The following DDX1 variants were observed in gnomAD, a reference collection of about 807,000 sequenced individuals.
DDX1 encodes the protein ATP-dependent RNA helicase DDX1.
Under a neutral mutation model 108.7 loss-of-function variants are expected in DDX1, and 28 were observed. The ratio of observed to expected loss-of-function variants is 0.26; its 90% CI spans 0.19 to 0.35. DDX1 has a LOEUF of 0.35. DDX1 is among the 10% of genes least tolerant of loss of function. The pLI is 1.00. For synonymous variants in DDX1, 295 were observed against 288.9 expected, an observed-to-expected ratio of 1.02 and a Z score of -0.21; for missense variants, 710 against 884.5, an observed-to-expected ratio of 0.80 and a Z score of 2.50.
intron 13 of DDX1, among the ~76,000 whole-genome samples, chr2:15,611,361 G>A (rs1026525601): frequency 6.6e-6 from 1 of 151,276 alleles, no homozygotes; most frequent in Admixed American, 6.6e-5. Flanking sequence ...CCACAAAACC[G>A]CCATTGTCAT....
At chr2:15,629,167 A>G (rs183381679) in intron 23 of DDX1, among the ~76,000 whole-genome samples, 2 of 152,338 alleles carry the variant, frequency 1.3e-5, no homozygotes, top group African/African-American at 4.8e-5. Flanking sequence ...ACAAATTTAT[A>G]GAAAAGTTGT....
chr2:15,596,586 G>T, intron 3 of DDX1, 148 bp from the exon 4 acceptor site: 1 of 637,154 alleles, frequency 1.6e-6, no homozygotes, highest in Non-Finnish European at 2.8e-6. Flanking sequence ...TGTAGTTGGA[G>T]TTGACAGAGG....
Position 15,617,251 on chromosome 2 carries a change from T to A in DDX1, c.1025T>A (p.Ile342Lys), listed in dbSNP as rs749333619. The change falls in exon 15 of 26, where the codon ATA (isoleucine) becomes AAA (lysine). Residue 342 changes from isoleucine to lysine, a missense_variant. This residue lies in a region of DDX1 where 661 missense variants were observed against 810.2 expected (regional missense o/e 0.82). Coordinates refer to ENST00000233084, the MANE Select transcript of DDX1 (RefSeq NM_004939.3). ...QLSVLENGVDIVVGTPGRLDD... is the reference protein window; with the variant it reads ...QLSVLENGVDKVVGTPGRLDD... Reference sequence around the variant, plus strand: ...TGGTTTGCTTTTTTTCAGGTAGATATAGTTGTAGGTACTCCGGGAAGACTA... The same window carrying A: ...TGGTTTGCTTTTTTTCAGGTAGATAAAGTTGTAGGTACTCCGGGAAGACTA... The A allele has an allele frequency of 6.4e-7, 1 of 1,564,950 alleles. No individual in the cohort carries two copies. Among genetic ancestry groups the A allele is most frequent in the East Asian group, 2.3e-5 (1 of 43,742 alleles).
chr2:15,600,779 C>A (rs535895732), intron 6 of DDX1, among the ~76,000 whole-genome samples: 1 of 121,516 alleles, frequency 8.2e-6, no homozygotes, highest in African/African-American at 3.3e-5. Context: ...GACAGAGTCT[C>A]GCTCTGTTGC....
intron 23 of DDX1, 48 bp downstream of exon 23, chr2:15,628,887 T>C (rs370465681): frequency 9.7e-5 from 150 of 1,547,826 alleles, no homozygotes; most frequent in Non-Finnish European, 1.3e-4. Context: ...GTTGTGATTT[T>C]AGATGTTGGA....
intron 19 of DDX1, among the ~76,000 whole-genome samples, chr2:15,625,979 T>A (rs1666095737): frequency 6.6e-6 from 1 of 152,082 alleles, no homozygotes; most frequent in Admixed American, 6.6e-5. Context: ...CCTGTCTATG[T>A]TTTGAATGGA....
rs200944773 is a variant in DDX1, at chr2:15,623,537, A to T, written c.1549A>T (p.Ile517Phe). 1.8e-5 allele frequency: 29 copies of T among 1,613,656 alleles called. No homozygotes were observed. The East Asian group carries it at 4.5e-4, about 25-fold the overall frequency. Reference protein sequence around the residue: ...DQAIIFCRTKIDCDNLEQYFI... With the variant: ...DQAIIFCRTKFDCDNLEQYFI... Reference sequence around the variant, plus strand: ...AGCAATTATCTTCTGTAGAACCAAAATTGACTGTGATAACTTGGAGCAGTA... The same window carrying T: ...AGCAATTATCTTCTGTAGAACCAAATTTGACTGTGATAACTTGGAGCAGTA... Residue 517 changes from isoleucine (I) to phenylalanine (F), a missense_variant, in exon 19 of 26, where the codon ATT (isoleucine) becomes TTT (phenylalanine). Physicochemically the swap from Ile to Phe is conservative, Grantham distance 21. This residue lies in a region of DDX1 where 661 missense variants were observed against 810.2 expected (regional missense o/e 0.82). Coordinates refer to ENST00000233084, the MANE Select transcript of DDX1 (RefSeq NM_004939.3).
chr2:15,621,102 G>C lies in DDX1; in HGVS notation c.1433G>C (p.Gly478Ala). Residue 478 changes from glycine to alanine, a missense_variant, in exon 18 of 26, where the codon GGT becomes GCT. Around this residue, in one of 3 missense-constraint regions of DDX1, gnomAD observed 661 missense variants for 810.2 expected, o/e 0.82. Transcript: ENST00000233084. The stretch of plus-strand genomic sequence containing the variant: ...CATGCAAAAGATAACACAAGACCTG[G>C]TGCTAATAGTCCAGGTGAGTTAAAA... Reference protein sequence around the residue: ...DVHAKDNTRPGANSPEMWSEA... With the variant: ...DVHAKDNTRPAANSPEMWSEA... 1 of 1,609,806 alleles carries C rather than the reference G, an allele frequency of 6.2e-7. No individual in the cohort carries two copies. Among genetic ancestry groups the C allele is most frequent in the Non-Finnish European group, 8.5e-7 (1 of 1,177,352 alleles).
Position 15,628,427 on chromosome 2 carries a change from C to A in DDX1, c.1687-18C>A, listed in dbSNP as rs1225613118. 1.0e-5 allele frequency: 16 copies of A among 1,585,846 alleles called. 1 individual carries two copies. Among genetic ancestry groups the A allele is most frequent in the African/African-American group, 1.3e-5 (1 of 74,288 alleles). Reference sequence around the variant, plus strand: ...TATGTGCTAACAAACTCCTTTCTCTCTTCACTGTTCTCTTTAGAAAGGAGA... The same window carrying A: ...TATGTGCTAACAAACTCCTTTCTCTATTCACTGTTCTCTTTAGAAAGGAGA... On this transcript the variant is annotated intron_variant, in intron 20 of 25. Coordinates refer to ENST00000233084, the MANE Select transcript of DDX1 (RefSeq NM_004939.3).
chr2:15,618,333 G>A, intron 16 of DDX1, 63 bp downstream of exon 16: 1 of 843,444 alleles, frequency 1.2e-6, no homozygotes, highest in Non-Finnish European at 2.0e-6. Flanking sequence ...AATGTTACGG[G>A]ATCCCAGGGG....
rs1665981792 is a variant in DDX1, at chr2:15,620,348, TCCCAAA to T, written c.1348_1353del (p.Pro450_Lys451del). 1 of 1,613,734 alleles carries T rather than the reference TCCCAAA, an allele frequency of 6.2e-7. No homozygotes were observed. Among genetic ancestry groups the T allele is most frequent in the African/African-American group, 1.3e-5 (1 of 74,872 alleles). ...TACACCATGTTGTTGTCCCAGTAAA[TCCCAAA>T]ACTGACAGACTCTGGGAAAGGCTTG... On this transcript the variant is annotated inframe_deletion, in exon 17 of 26. Transcript: ENST00000233084.
chr2:15,607,446 T>C, intron 13 of DDX1, 133 bp downstream of exon 13: 3 of 652,412 alleles, frequency 4.6e-6, no homozygotes, highest in Non-Finnish European at 7.3e-6. Flanking sequence ...TATGTAAATA[T>C]ACTTTAATAA....
chr2:15,617,349 T>G lies in DDX1; in HGVS notation c.1116+7T>G, dbSNP rs1325451266. 1.3e-6 allele frequency: 2 copies of G among 1,523,394 alleles called. No individual in the cohort carries two copies. The highest frequency in any genetic ancestry group is 1.8e-6 in the Non-Finnish European group (2 of 1,115,674). The allele number at this position is 1,523,394 out of a possible 1,614,324, so 94.4% of individuals were successfully genotyped here. On this transcript the variant is annotated splice_region_variant and intron_variant, in intron 15 of 25. Transcript: ENST00000233084. Reference sequence around the variant, plus strand: ...CCTGGTCCTGGATGAAGCTGTATGTTGAAATATAATCATACTTTTTAAAAA... The same window carrying G: ...CCTGGTCCTGGATGAAGCTGTATGTGGAAATATAATCATACTTTTTAAAAA...
At chr2:15,629,505 C>A in intron 23 of DDX1, 97 bp from the exon 24 acceptor site, 1 of 819,670 alleles carries the variant, frequency 1.2e-6, no homozygotes, top group Non-Finnish European at 1.9e-6. Flanking sequence ...TTTCTAGTGC[C>A]TTGAGGACAG....
chr2:15,609,742 A>G (rs1199253239), intron 13 of DDX1, among the ~76,000 whole-genome samples: 1 of 140,618 alleles, frequency 7.1e-6, no homozygotes, highest in Non-Finnish European at 1.5e-5. Context: ...AAGTAAAAGT[A>G]TTGTTGGAAA....
rs1666143621 is a variant in DDX1, at chr2:15,628,834, G to A, written c.1870G>A (p.Glu624Lys). The A allele has an allele frequency of 6.2e-7, 1 of 1,613,220 alleles. No individual in the cohort carries two copies. The highest frequency in any genetic ancestry group is 8.5e-7 in the Non-Finnish European group (1 of 1,179,258). Residue 624 changes from glutamate to lysine, a missense_variant, in exon 23 of 26, where the codon GAA (glutamate) becomes AAA (lysine). Physicochemically the swap from Glu to Lys is moderately conservative, Grantham distance 56. Transcript: ENST00000233084. The stretch of plus-strand genomic sequence containing the variant: ...AATTTCCCTGGTGGCAACAGAAAAA[G>A]AAAAGGTAATCTTTGTAGGGCTCTA... ...LAISLVATEK[E>K]KVWYHVCSSR...
rs1299392057 is a variant in DDX1 at position 15,631,070 on chromosome 2, G to A, written c.*164G>A. 1 of 535,852 alleles carries A rather than the reference G, an allele frequency of 1.9e-6. No homozygotes were observed. The highest frequency in any genetic ancestry group is 3.0e-6 in the Non-Finnish European group (1 of 329,446). 33.2% of individuals were successfully genotyped at this position (535,852 alleles called of 1,614,324 possible). ...AGTCTTAGGAATTCTTCAAAAAATG[G>A]CATCCCAATGAAAATAAATTTGATG... On this transcript the variant is annotated 3_prime_UTR_variant, in exon 26 of 26. Transcript: ENST00000233084.
Position 15,613,810 on chromosome 2 carries a change from A to G in DDX1, c.1017+526A>G, listed in dbSNP as rs1053404858. ...ACAAAGCTAAGAGGATCTGATCTCC[A>G]CTGTTGGAGAAGAAGTTTAGGAATT... is the stretch of plus-strand genomic sequence containing the variant. On this transcript the variant is annotated intron_variant, in intron 14 of 25. Coordinates refer to ENST00000233084, the MANE Select transcript of DDX1 (RefSeq NM_004939.3). Among the ~76,000 whole-genome samples, 7 of 151,298 alleles carry G rather than the reference A, an allele frequency of 4.6e-5. No individual in the cohort carries two copies. The Admixed American group carries it at 4.6e-4, about 10-fold the overall frequency.
Position 15,613,344 on chromosome 2 carries a change from GCT to G in DDX1, c.1017+63_1017+64del, listed in dbSNP as rs1002679023. ...CATGGGCTGTCGTTTTAGCAATACA[GCT>G]CTGTTTTGTTTCAAGAAAATTTAAG... On this transcript the variant is annotated intron_variant, in intron 14 of 25. Transcript: ENST00000233084. The G allele has an allele frequency of 2.5e-5, 30 of 1,189,776 alleles. No individual in the cohort carries two copies. In the African/African-American group the frequency reaches 3.9e-4, roughly 15 times the overall value. 73.7% of individuals were successfully genotyped at this position (1,189,776 alleles called of 1,614,324 possible). A position where few individuals can be genotyped will look rare whatever the true frequency, so the allele number is the denominator to read the frequency against.
Sources: gnomAD v4.1 joint callset for allele counts (sites outside exome capture counted in the v4.1 genomes callset) on GRCh38, gnomAD v4.1.1 for gene constraint, gnomAD v4.1.1 regional missense constraint, MANE v1.5 for transcripts, NCBI Gene and HGNC (gene_info 2026-07-23, HGNC 2026-07-21) for gene names.